The following MAPKAPK5 variants were observed in gnomAD, a reference collection of about 807,000 sequenced individuals.
The protein encoded by MAPKAPK5 is MAPK activated protein kinase 5, also known as MAP kinase-activated protein kinase 5.
In MAPKAPK5, 30 loss-of-function variants were observed where a neutral mutation model predicts 65.1. That is an observed-to-expected ratio of 0.46 (90% CI 0.34 to 0.63). MAPKAPK5 has a LOEUF of 0.63. Ranked by LOEUF, MAPKAPK5 falls within the 20% of genes least tolerant of loss-of-function variation. The probability of loss-of-function intolerance (pLI) is 0.01; values close to 1 mark genes in which losing one functional copy is unlikely to be tolerated. For synonymous variants in MAPKAPK5, 179 were observed against 204.6 expected (o/e 0.87, Z 1.07); for missense variants, 433 against 581.4 (o/e 0.74, Z 2.63).
intron 7 of MAPKAPK5, chr12:111,879,986 A>G (rs2070137349): frequency 5.0e-6 from 1 of 201,826 alleles, no homozygotes; most frequent in Non-Finnish European, 1.0e-5. Context: ...GTTCCTCCTC[A>G]TGGGACATTA....
At chr12:111,889,329 A>G (rs946860143) in intron 12 of MAPKAPK5, 3 of 258,470 alleles carry the variant, frequency 1.2e-5, no homozygotes, top group Non-Finnish European at 2.2e-5. Flanking sequence ...GGGATGGAGA[A>G]TGGAAAATGT....
At chr12:111,870,424 GT>G (rs1297274423) in intron 6 of MAPKAPK5, 64 bp downstream of exon 6, 5 of 1,333,600 alleles carry the variant, frequency 3.7e-6, no homozygotes, top group Non-Finnish European at 2.1e-6. Flanking sequence ...GAGTGGGTGT[GT>G]TTGGAGCGCT....
At chr12:111,871,756 T>C (rs2136115932) in intron 7 of MAPKAPK5, among the ~76,000 whole-genome samples, 1 of 152,330 alleles carries the variant, frequency 6.6e-6, no homozygotes, top group Non-Finnish European at 1.5e-5. Flanking sequence ...GTGACAAATA[T>C]ATACCCCATA....
chr12:111,869,999 C>T (rs2069731806), intron 5 of MAPKAPK5, among the ~76,000 whole-genome samples: 1 of 152,166 alleles, frequency 6.6e-6, no homozygotes, highest in South Asian at 2.1e-4. Flanking sequence ...TTTCCCATTT[C>T]TTACAGGATT....
At chr12:111,865,188 G>A in intron 1 of MAPKAPK5, 62 bp from the exon 2 acceptor site, 11 of 1,043,988 alleles carry the variant, frequency 1.1e-5, no homozygotes, top group Non-Finnish European at 1.5e-5. Flanking sequence ...TCCCATCTCT[G>A]CTTATTCAGT....
At position 111,901,681 on chromosome 12, in the gene MAPKAPK5, AGAG is replaced by A. The variant is rs1473722912; in HGVS notation, c.*8626_*8628del. The A allele has an allele frequency of 1.5e-5, 4 of 273,484 alleles. No homozygotes were observed. Among genetic ancestry groups the A allele is most frequent in the African/African-American group, 2.3e-5 (1 of 43,860 alleles). The allele number at this position is 273,484 out of a possible 1,614,324, so 16.9% of individuals were successfully genotyped here. On this transcript the variant is annotated 3_prime_UTR_variant, in exon 14 of 14. Transcript: ENST00000550735. ...AAAAAGAAGAGGAGGAGGAGGAAGA[AGAG>A]GAGGAAGAATCAGATTCCTAAGGTT...
chr12:111,867,800 T>G lies in MAPKAPK5; in HGVS notation c.284+131T>G. 3 of 682,990 alleles carry G rather than the reference T, an allele frequency of 4.4e-6. No individual in the cohort carries two copies. The South Asian group carries it at 5.5e-5, about 13-fold the overall frequency. The allele number at this position is 682,990 out of a possible 1,614,324, so 42.3% of individuals were successfully genotyped here. A position where few individuals can be genotyped will look rare whatever the true frequency, so the allele number is the denominator to read the frequency against. ...CTACCCTCGCTTCCTCTGCCCTTCC[T>G]TCTCCCCCTCCATCTCCCTTTTTGT... On this transcript the variant is annotated intron_variant, in intron 4 of 13. Coordinates refer to ENST00000550735, the MANE Select transcript of MAPKAPK5 (RefSeq NM_003668.4).
At chr12:111,878,045 G>A (rs1052851859) in intron 7 of MAPKAPK5, among the ~76,000 whole-genome samples, 1 of 151,098 alleles carries the variant, frequency 6.6e-6, no homozygotes, top group African/African-American at 2.4e-5. Flanking sequence ...GTCAAGAGAT[G>A]GATACGAATC....
chr12:111,872,372 T>G (rs1024510032), intron 7 of MAPKAPK5, among the ~76,000 whole-genome samples: 1 of 152,216 alleles, frequency 6.6e-6, no homozygotes, highest in African/African-American at 2.4e-5. Context: ...ATGGCCACTA[T>G]TTTGGAGCAC....
chr12:111,876,474 A>G (rs1284148809), intron 7 of MAPKAPK5, among the ~76,000 whole-genome samples: 1 of 152,140 alleles, frequency 6.6e-6, no homozygotes. Flanking sequence ...AGTTAAAAAA[A>G]AAAAGTCCCA....
chr12:111,849,363 C>G (rs985561025), intron 1 of MAPKAPK5, among the ~76,000 whole-genome samples: 7 of 151,654 alleles, frequency 4.6e-5, no homozygotes, highest in African/African-American at 1.5e-4. Flanking sequence ...TCAAGTGATT[C>G]TCCTGCCTCA....
chr12:111,883,559 CCATT>C lies in MAPKAPK5; in HGVS notation c.661-21_661-18del. 6.2e-7 allele frequency: 1 copy of C among 1,608,264 alleles called. No individual in the cohort carries two copies. Among genetic ancestry groups the C allele is most frequent in the Non-Finnish European group, 8.5e-7 (1 of 1,176,858 alleles). Reference sequence around the variant, plus strand: ...GGGGCTCTGCTTCTGCTGTGAGTGACCATTTTCTTTTTTGCTTTCAGAGCTGTGA... The same window carrying C: ...GGGGCTCTGCTTCTGCTGTGAGTGACTTCTTTTTTGCTTTCAGAGCTGTGA... On this transcript the variant is annotated intron_variant, in intron 8 of 13. Transcript: ENST00000550735. This position sits in a 1 kb window ranked among gnomAD's most constrained non-coding sequence, Gnocchi z 4.8.
intron 1 of MAPKAPK5, among the ~76,000 whole-genome samples, chr12:111,846,233 G>GT (rs2136060077): frequency 1.3e-5 from 2 of 152,286 alleles, no homozygotes; most frequent in East Asian, 3.9e-4. Context: ...TGTATTCATT[G>GT]TTTTGCTTTT....
At chr12:111,886,175 A>T in intron 10 of MAPKAPK5, 139 bp downstream of exon 10, 1 of 1,293,170 alleles carries the variant, frequency 7.7e-7, no homozygotes, top group Non-Finnish European at 1.1e-6. Flanking sequence ...GTTTCCTGAG[A>T]GTCAGGATCC....
At chr12:111,857,244 CTTT>C (rs1347172253) in intron 1 of MAPKAPK5, among the ~76,000 whole-genome samples, 3 of 140,374 alleles carry the variant, frequency 2.1e-5, no homozygotes, top group Non-Finnish European at 1.6e-5. Context: ...TTTCTTTTTT[CTTT>C]TTTTTTTTTT....
In MAPKAPK5 at chr12:111,900,990, G is replaced by C; in HGVS notation, c.*7929G>C. The stretch of plus-strand genomic sequence containing the variant: ...AAACTGTGGCATTTCTACCAGTCCT[G>C]GGTCACAATATGTTCGGTGTTCAGA... On this transcript the variant is annotated 3_prime_UTR_variant, in exon 14 of 14. Coordinates refer to ENST00000550735, the MANE Select transcript of MAPKAPK5 (RefSeq NM_003668.4). 2 of 455,918 alleles carry C rather than the reference G, an allele frequency of 4.4e-6. No homozygotes were observed. Among genetic ancestry groups the C allele is most frequent in the African/African-American group, 2.0e-5 (1 of 50,060 alleles). 28.2% of individuals were successfully genotyped at this position (455,918 alleles called of 1,614,324 possible). A position where few individuals can be genotyped will look rare whatever the true frequency, so the allele number is the denominator to read the frequency against.
chr12:111,842,709 C>A lies in MAPKAPK5; in HGVS notation c.-25C>A. The A allele has an allele frequency of 7.3e-7, 1 of 1,372,756 alleles. No individual in the cohort carries two copies. The highest frequency in any genetic ancestry group is 9.5e-7 in the Non-Finnish European group (1 of 1,057,452). The allele number at this position is 1,372,756 out of a possible 1,614,324, so 85.0% of individuals were successfully genotyped here. ...GGGCTGCTGAGCAGCCTCCGCCTCT[C>A]CCGGCTGTGGGGGCCCCACTGAGTA... On this transcript the variant is annotated 5_prime_UTR_variant, in exon 1 of 14. Transcript: ENST00000550735.
chr12:111,875,701 G>A (rs2069940115), intron 7 of MAPKAPK5, among the ~76,000 whole-genome samples: 1 of 152,060 alleles, frequency 6.6e-6, no homozygotes, highest in South Asian at 2.1e-4. Context: ...CTCCTAGAGG[G>A]TCTGTACTCT....
At chr12:111,875,314 C>T (rs1044020319) in intron 7 of MAPKAPK5, among the ~76,000 whole-genome samples, 1 of 152,054 alleles carries the variant, frequency 6.6e-6, no homozygotes, top group Non-Finnish European at 1.5e-5. Flanking sequence ...CTATCGTTGT[C>T]TTCAGTGCCT....
Sources: gnomAD v4.1 joint callset for allele counts (sites outside exome capture counted in the v4.1 genomes callset) on GRCh38, gnomAD v4.1.1 for gene constraint, Gnocchi (gnomAD v3.1) non-coding constraint, MANE v1.5 for transcripts, NCBI Gene and HGNC (gene_info 2026-07-23, HGNC 2026-07-21) for gene names.